Variants in STX8 observed in about 807,000 individuals in gnomAD.
The protein encoded by STX8 is syntaxin 8.
Under a neutral mutation model 37.5 loss-of-function variants are expected in STX8, and 23 were observed. The ratio of observed to expected loss-of-function variants is 0.61; its 90% confidence interval spans 0.44 to 0.87. STX8 has a LOEUF of 0.87. STX8 is among the 40% of genes least tolerant of loss of function. The probability of loss-of-function intolerance (pLI) is 0.00; values close to 1 mark genes in which losing one functional copy is unlikely to be tolerated. For missense variants in STX8, 313 were observed against 284.7 expected (o/e 1.10, Z -0.71); for synonymous variants, 115 against 99.1 (o/e 1.16, Z -0.95).
intron 7 of STX8, among the ~76,000 whole-genome samples, chr17:9,346,758 A>C (rs1910547522): frequency 6.6e-6 from 1 of 152,214 alleles, no homozygotes; most frequent in Non-Finnish European, 1.5e-5. Context: ...GCTACACTGA[A>C]TCTGGTCTGA....
intron 7 of STX8, among the ~76,000 whole-genome samples, chr17:9,326,254 C>A (rs1423254884): frequency 1.3e-5 from 2 of 152,072 alleles, no homozygotes; most frequent in African/African-American, 2.4e-5. Context: ...CCTCAGCCTG[C>A]CGAGTAGCTA....
At chr17:9,315,419 A>AC (rs1217600813) in intron 7 of STX8, among the ~76,000 whole-genome samples, 1 of 152,216 alleles carries the variant, frequency 6.6e-6, no homozygotes, top group Non-Finnish European at 1.5e-5. Context: ...CAGAGGCTGC[A>AC]CGCAGCATGC....
intron 6 of STX8, among the ~76,000 whole-genome samples, chr17:9,410,620 C>G (rs946928901): frequency 6.6e-6 from 1 of 152,170 alleles, no homozygotes; most frequent in Non-Finnish European, 1.5e-5. Flanking sequence ...AAACCTTGAT[C>G]TTTCAAATGT....
In STX8 at chr17:9,544,663, TCAGCTGAA is replaced by T. The variant is rs1170174467; in HGVS notation, c.323+501_323+508del. On this transcript the variant is annotated intron_variant, in intron 4 of 7. Transcript: ENST00000306357. ...TAGTATGTTCCACCCAAGATGGGAT[TCAGCTGAA>T]CATACCTGGTTTACTAAACCCAGAA... 1.6e-4 allele frequency among the ~76,000 whole-genome samples: 24 copies of T among 152,272 alleles called. 1 individual carries two copies. In the East Asian group the frequency reaches 4.6e-3, roughly 29 times the overall value.
chr17:9,254,298 T>C (rs1173384829), intron 7 of STX8, among the ~76,000 whole-genome samples: 1 of 152,224 alleles, frequency 6.6e-6, no homozygotes, highest in Non-Finnish European at 1.5e-5. Flanking sequence ...ACTCGTGGTC[T>C]AGTTAATCCC....
At chr17:9,407,228 A>C (rs547286588) in intron 6 of STX8, among the ~76,000 whole-genome samples, 1 of 152,274 alleles carries the variant, frequency 6.6e-6, no homozygotes, top group East Asian at 1.9e-4. Flanking sequence ...GGGTCTTGCT[A>C]TGTTGCCCAA....
intron 7 of STX8, among the ~76,000 whole-genome samples, chr17:9,268,531 C>A (rs1387883502): frequency 6.6e-6 from 1 of 152,174 alleles, no homozygotes; most frequent in South Asian, 2.1e-4. Context: ...TGATGTCCCC[C>A]CGATTCAGTA....
At chr17:9,427,319 G>A (rs1421514288) in intron 6 of STX8, among the ~76,000 whole-genome samples, 3 of 152,134 alleles carry the variant, frequency 2.0e-5, no homozygotes, top group African/African-American at 2.4e-5. Context: ...GTCTGAACCC[G>A]AGTCTGCTGT....
chr17:9,542,381 C>G (rs1229314708), intron 4 of STX8, among the ~76,000 whole-genome samples: 1 of 145,176 alleles, frequency 6.9e-6, no homozygotes, highest in African/African-American at 2.6e-5. Context: ...ACAAAAACAA[C>G]AACAAAAAAA....
intron 6 of STX8, among the ~76,000 whole-genome samples, chr17:9,380,515 A>G (rs1911760467): frequency 6.6e-6 from 1 of 151,610 alleles, no homozygotes; most frequent in African/African-American, 2.4e-5. Context: ...CAGCCTCTCA[A>G]AGTGTTAGGA....
At chr17:9,313,181 A>G (rs1312228192) in intron 7 of STX8, among the ~76,000 whole-genome samples, 1 of 152,060 alleles carries the variant, frequency 6.6e-6, no homozygotes, top group Non-Finnish European at 1.5e-5. Flanking sequence ...ACAAGAGTGA[A>G]ACTCTGTCTA....
At chr17:9,478,094 A>G (rs1906172286) in intron 6 of STX8, among the ~76,000 whole-genome samples, 1 of 152,020 alleles carries the variant, frequency 6.6e-6, no homozygotes, top group South Asian at 2.1e-4. Flanking sequence ...CACCTGGAGA[A>G]CTCCCTTTGT....
At chr17:9,318,995 A>G (rs947415933) in intron 7 of STX8, among the ~76,000 whole-genome samples, 1 of 152,214 alleles carries the variant, frequency 6.6e-6, no homozygotes, top group African/African-American at 2.4e-5. Context: ...AGGAAAATCA[A>G]TAAAGAGTAA....
intron 6 of STX8, among the ~76,000 whole-genome samples, chr17:9,455,233 C>G (rs969936710): frequency 6.6e-6 from 1 of 150,506 alleles, no homozygotes; most frequent in Non-Finnish European, 1.5e-5. Flanking sequence ...GGTGCGGTGG[C>G]TCACGCCTGT....
chr17:9,551,767 TG>T (rs563618414), intron 3 of STX8, among the ~76,000 whole-genome samples: 2 of 152,276 alleles, frequency 1.3e-5, no homozygotes, highest in African/African-American at 4.8e-5. Context: ...TGTTTGGCCT[TG>T]GTAAGTGGCA....
At chr17:9,555,222 C>T (rs540788360) in intron 3 of STX8, 9 of 152,168 alleles carry the variant, frequency 5.9e-5, no homozygotes, top group African/African-American at 1.7e-4. Flanking sequence ...AATTCTGGGA[C>T]GACCACAAAA....
At chr17:9,337,802 G>A (rs748316907) in intron 7 of STX8, among the ~76,000 whole-genome samples, 5 of 152,176 alleles carry the variant, frequency 3.3e-5, no homozygotes, top group African/African-American at 1.2e-4. Context: ...AGGTATTCTG[G>A]GTAGAGGCGG....
chr17:9,330,044 C>T (rs530736813), intron 7 of STX8, among the ~76,000 whole-genome samples: 10 of 152,018 alleles, frequency 6.6e-5, no homozygotes, highest in Non-Finnish European at 1.3e-4. Context: ...GGCAGAGGTG[C>T]GATACCCTGG....
At chr17:9,336,686 G>A (rs1160504841) in intron 7 of STX8, among the ~76,000 whole-genome samples, 8 of 151,976 alleles carry the variant, frequency 5.3e-5, no homozygotes, top group African/African-American at 1.9e-4. Context: ...CACCCACCTC[G>A]GCCTCCCAAA....
Sources: allele counts gnomAD v4.1 joint callset (sites outside exome capture counted in the v4.1 genomes callset), GRCh38; gene constraint gnomAD v4.1.1; transcripts MANE v1.5; gene names NCBI Gene and HGNC (gene_info 2026-07-23, HGNC 2026-07-21).